ANAPC5: variants seen among roughly 807,000 people sequenced by gnomAD.
The protein encoded by ANAPC5 is anaphase promoting complex subunit 5.
Under a neutral mutation model 91.3 loss-of-function variants are expected in ANAPC5, and 60 were observed. The ratio of observed to expected loss-of-function variants is 0.66; its 90% CI spans 0.53 to 0.81. The LOEUF is 0.81. Among genes scored for constraint, ANAPC5 ranks in the 40% least tolerant of loss-of-function variants. The pLI, the probability that ANAPC5 is intolerant of heterozygous loss-of-function variation, is 0.00. For missense variants in ANAPC5, 690 were observed against 931.5 expected (o/e 0.74, Z 3.37); for synonymous variants, 340 against 364.1 (o/e 0.93, Z 0.75).
chr12:121,329,573 T>TG (rs755448595), intron 9 of ANAPC5, among the ~76,000 whole-genome samples: 7 of 151,992 alleles, frequency 4.6e-5, no homozygotes, highest in Admixed American at 1.3e-4. Flanking sequence ...TAGTTTTCAA[T>TG]GGGTGTTTCT....
intron 2 of ANAPC5, chr12:121,347,571 C>T: frequency 1.0e-5 from 5 of 480,070 alleles, no homozygotes; most frequent in Non-Finnish European, 1.8e-5. Flanking sequence ...GTCCAGGCTG[C>T]GTTGAGCCCT....
Position 121,308,339 on chromosome 12 carries a change from C to A in ANAPC5, c.*141G>T. 1.5e-6 allele frequency: 1 copy of A among 685,266 alleles called. No individual in the cohort carries two copies. Among genetic ancestry groups the A allele is most frequent in the East Asian group, 2.8e-5 (1 of 36,284 alleles). The allele number at this position is 685,266 out of a possible 1,614,324, so 42.4% of individuals were successfully genotyped here. On this transcript the variant is annotated 3_prime_UTR_variant, in exon 17 of 17. Transcript: ENST00000261819. ...AATAAAACAAATACGTAGTTACTAG[C>A]AACAAAATAAGACAAACTAATCAGA...
At chr12:121,343,108 T>A (rs1455532708) in intron 4 of ANAPC5, among the ~76,000 whole-genome samples, 7 of 152,284 alleles carry the variant, frequency 4.6e-5, no homozygotes, top group Admixed American at 4.6e-4. Context: ...TATATTGGAT[T>A]ATACATAAAT....
chr12:121,352,715 T>TGGTGGTGGTGGTGGTGGTGGTGGTGGTGG (rs1555275616), upstream of ANAPC5, among the ~76,000 whole-genome samples: 316 of 30,590 alleles, frequency 0.01, 5 homozygotes, highest in Middle Eastern at 0.088. Flanking sequence ...TTGGTTGTTG[T>TGGTGGTGGTGGTGGTGGTGGTGGTGGTGG]TGTTGGTGGT....
At chr12:121,314,117 C>CGGGGCTGGGCGCA (rs1902264026) in intron 15 of ANAPC5, among the ~76,000 whole-genome samples, 1 of 152,066 alleles carries the variant, frequency 6.6e-6, no homozygotes, top group Non-Finnish European at 1.5e-5. Context: ...AAGAAAAAAT[C>CGGGGCTGGGCGCA]GGGGCTGGGC....
chr12:121,326,554 G>A (rs1034146983), intron 11 of ANAPC5: 2 of 152,150 alleles, frequency 1.3e-5, no homozygotes, highest in African/African-American at 2.4e-5. Context: ...CTCTTCTTTG[G>A]AGTCAACCAG....
At chr12:121,330,910 G>A in intron 8 of ANAPC5, 2 of 463,896 alleles carry the variant, frequency 4.3e-6, no homozygotes, top group South Asian at 2.5e-5. Context: ...AGTGGCAGGT[G>A]TTTCAGAAAA....
chr12:121,348,078 G>C (rs1277861966), intron 1 of ANAPC5, among the ~76,000 whole-genome samples, 197 bp from the exon 2 acceptor site: 3 of 152,108 alleles, frequency 2.0e-5, no homozygotes, highest in African/African-American at 7.2e-5. Flanking sequence ...CAGTGGAATG[G>C]TCTAAAATAG....
intron 4 of ANAPC5, among the ~76,000 whole-genome samples, chr12:121,345,207 A>C (rs1340522220): frequency 1.3e-5 from 2 of 152,198 alleles, no homozygotes; most frequent in African/African-American, 4.8e-5. Flanking sequence ...TGACCAACTA[A>C]GTGAGTAACT....
intron 5 of ANAPC5, among the ~76,000 whole-genome samples, chr12:121,338,601 C>T (rs1288352898): frequency 6.6e-6 from 1 of 151,818 alleles, no homozygotes; most frequent in Non-Finnish European, 1.5e-5. Flanking sequence ...AAAAACAAAA[C>T]AAAACAAAAC....
chr12:121,353,321 T>C (rs1903976686), upstream of ANAPC5, among the ~76,000 whole-genome samples: 1 of 152,226 alleles, frequency 6.6e-6, no homozygotes, highest in Admixed American at 6.5e-5. Context: ...TAGTTCTCTA[T>C]ACCCTGAATT....
At position 121,311,985 on chromosome 12, in the gene ANAPC5, T is replaced by C. The variant is rs113500678; in HGVS notation, c.1894-2122A>G. The stretch of plus-strand genomic sequence containing the variant: ...ATGAACTGGCCCTAACATATATATA[T>C]AAAGCATGCCACCCAATGATACATC... On this transcript the variant is annotated intron_variant, in intron 15 of 16. Coordinates refer to ENST00000261819, the MANE Select transcript of ANAPC5 (RefSeq NM_016237.5). Among the ~76,000 whole-genome samples the C allele has an allele frequency of 9.2e-5, 14 of 152,240 alleles. 1 individual carries two copies. Among genetic ancestry groups the C allele is most frequent in the African/African-American group, 3.4e-4 (14 of 41,544 alleles).
At chr12:121,322,993 C>G (rs186824552) in intron 11 of ANAPC5, among the ~76,000 whole-genome samples, 1 of 152,130 alleles carries the variant, frequency 6.6e-6, no homozygotes, top group African/African-American at 2.4e-5. Context: ...CCACTGCACT[C>G]CAGCCTTGGC....
chr12:121,321,729 T>C (rs1305522634), intron 11 of ANAPC5, among the ~76,000 whole-genome samples: 1 of 151,056 alleles, frequency 6.6e-6, no homozygotes, highest in Non-Finnish European at 1.5e-5. Flanking sequence ...GTAGAGGCAG[T>C]GTTTTGCCAT....
At position 121,347,894 on chromosome 12, in the gene ANAPC5, G is replaced by C. The variant is rs1555274851; in HGVS notation, c.208-13C>G. 5 of 1,571,720 alleles carry C rather than the reference G, an allele frequency of 3.2e-6. No homozygotes were observed. Among genetic ancestry groups the C allele is most frequent in the Admixed American group, 1.7e-5 (1 of 59,654 alleles). The stretch of plus-strand genomic sequence containing the variant: ...TAATATCTGGGCCCTGTGTAAAGGA[G>C]AGATAGGGAGGTATGGATTTTAAAG... On this transcript the variant is annotated splice_polypyrimidine_tract_variant and intron_variant, in intron 1 of 16. Transcript: ENST00000261819.
At chr12:121,347,215 G>A (rs1458022961) in intron 2 of ANAPC5, 4 of 505,690 alleles carry the variant, frequency 7.9e-6, no homozygotes, top group Admixed American at 3.9e-5. Flanking sequence ...CATAAAATTT[G>A]TCAAACTATC....
intron 9 of ANAPC5, chr12:121,328,706 CG>C (rs1902914336): frequency 2.1e-6 from 1 of 482,614 alleles, no homozygotes. Flanking sequence ...AGAGGGTACA[CG>C]GGAAAGAGCC....
chr12:121,348,249 C>T (rs1316180664), intron 1 of ANAPC5, among the ~76,000 whole-genome samples: 2 of 152,154 alleles, frequency 1.3e-5, no homozygotes, highest in African/African-American at 4.8e-5. Context: ...TAAGATAATA[C>T]AAAGTGCTTT....
At position 121,309,696 on chromosome 12, in the gene ANAPC5, C is replaced by T. The variant is rs1012631760; in HGVS notation, c.2056+5G>A. The T allele has an allele frequency of 6.2e-7, 1 of 1,613,240 alleles. No individual in the cohort carries two copies. The highest frequency in any genetic ancestry group is 1.7e-5 in the Admixed American group (1 of 59,858). ...TTGCCTAACAGTCTTCGTACAGCTTCCTACCTTCTGCTTTCTTCGGCTGAT... is the reference window on the plus strand; with the variant it reads ...TTGCCTAACAGTCTTCGTACAGCTTTCTACCTTCTGCTTTCTTCGGCTGAT... On this transcript the variant is annotated splice_donor_5th_base_variant and intron_variant, in intron 16 of 16. Coordinates refer to ENST00000261819, the MANE Select transcript of ANAPC5 (RefSeq NM_016237.5).
Sources: allele counts gnomAD v4.1 joint callset (sites outside exome capture counted in the v4.1 genomes callset), GRCh38; gene constraint gnomAD v4.1.1; transcripts MANE v1.5; gene names NCBI Gene and HGNC (gene_info 2026-07-23, HGNC 2026-07-21).